Variants in CWH43 observed in about 807,000 individuals in gnomAD.
CWH43 encodes PGAP2-interacting protein.
In CWH43, 91 loss-of-function variants were observed where a neutral mutation model predicts 85.7. The ratio of observed to expected loss-of-function variants is 1.06; its 90% CI spans 0.90 to 1.26. The LOEUF is 1.26. Ranked by LOEUF, CWH43 falls within the 50% of genes most tolerant of loss-of-function variation. The probability of loss-of-function intolerance (pLI) is 0.00; values close to 1 mark genes in which losing one functional copy is unlikely to be tolerated. For missense variants in CWH43, 869 were observed against 839.2 expected (o/e 1.04, Z -0.44); for synonymous variants, 323 against 293.6 (o/e 1.10, Z -1.02).
intron 13 of CWH43, among the ~76,000 whole-genome samples, chr4:49,039,197 A>G (rs1433858688): frequency 1.4e-5 from 2 of 143,028 alleles, no homozygotes; most frequent in African/African-American, 2.6e-5. Context: ...CCAGCAGATG[A>G]CACTGAATTA....
At chr4:49,055,653 G>A (rs748888749) in intron 15 of CWH43, among the ~76,000 whole-genome samples, 12 of 150,486 alleles carry the variant, frequency 8.0e-5, no homozygotes, top group South Asian at 2.1e-4. Context: ...GCAATGGCAC[G>A]ATCTCAGCTT....
At chr4:49,015,511 A>C (rs562815049) in intron 8 of CWH43, among the ~76,000 whole-genome samples, 1 of 152,090 alleles carries the variant, frequency 6.6e-6, no homozygotes, top group Non-Finnish European at 1.5e-5. Context: ...TCACTGTGAT[A>C]TATCTGGATG....
At position 48,994,296 on chromosome 4, in the gene CWH43, AT is replaced by A. The variant is rs374422495; in HGVS notation, c.512-320del. ...AAATGTTCCACTCAATTTGTACAACATTTGTTCACAAACACAAACACTTTTT... is the reference window on the plus strand; with the variant it reads ...AAATGTTCCACTCAATTTGTACAACATTGTTCACAAACACAAACACTTTTT... On this transcript the variant is annotated intron_variant, in intron 4 of 15. Coordinates refer to ENST00000226432, the MANE Select transcript of CWH43 (RefSeq NM_025087.3). Among the ~76,000 whole-genome samples, 595 of 152,324 alleles carry A rather than the reference AT, an allele frequency of 3.9e-3. 9 individuals are homozygous for A. Among genetic ancestry groups the A allele is most frequent in the African/African-American group, 0.014 (578 of 41,576 alleles).
chr4:49,049,595 G>T (rs111241194), intron 14 of CWH43, among the ~76,000 whole-genome samples: 5 of 151,994 alleles, frequency 3.3e-5, no homozygotes, highest in African/African-American at 1.2e-4. Context: ...GGCCTGTGAG[G>T]AAGGCTTTGC....
At chr4:49,042,304 A>T (rs1784487482) in intron 13 of CWH43, among the ~76,000 whole-genome samples, 1 of 152,214 alleles carries the variant, frequency 6.6e-6, no homozygotes, top group Non-Finnish European at 1.5e-5. Flanking sequence ...ATCCCAAGAG[A>T]ACAAGAAAAA....
At chr4:49,037,138 T>G (rs2109815643) in intron 12 of CWH43, among the ~76,000 whole-genome samples, 1 of 152,298 alleles carries the variant, frequency 6.6e-6, no homozygotes, top group Non-Finnish European at 1.5e-5. Flanking sequence ...TAAAATATGA[T>G]GTCCTATTTT....
chr4:49,039,433 A>AC (rs1784387985), intron 13 of CWH43, among the ~76,000 whole-genome samples: 1 of 133,746 alleles, frequency 7.5e-6, no homozygotes, highest in Non-Finnish European at 1.6e-5. Flanking sequence ...ATATACACTT[A>AC]TATATATATA....
At chr4:49,014,793 C>T (rs992608299) in intron 8 of CWH43, among the ~76,000 whole-genome samples, 1 of 150,038 alleles carries the variant, frequency 6.7e-6, no homozygotes, top group East Asian at 2.0e-4. Context: ...TGCCTCATGC[C>T]CCCACATACA....
intron 15 of CWH43, among the ~76,000 whole-genome samples, chr4:49,051,327 C>G (rs1174021495): frequency 2.6e-5 from 4 of 152,144 alleles, no homozygotes; most frequent in Non-Finnish European, 5.9e-5. Context: ...AGTGGGGAGA[C>G]AGCCTATTAG....
chr4:49,032,916 G>A (rs528320343), intron 12 of CWH43, among the ~76,000 whole-genome samples: 1 of 152,312 alleles, frequency 6.6e-6, no homozygotes, highest in Non-Finnish European at 1.5e-5. Context: ...GGGACAGGCC[G>A]TGTTAGTCTG....
chr4:49,041,118 C>A (rs1196917580), intron 13 of CWH43, among the ~76,000 whole-genome samples: 4 of 152,162 alleles, frequency 2.6e-5, no homozygotes, highest in Non-Finnish European at 5.9e-5. Flanking sequence ...TGTTTTGGTA[C>A]CAGTACCATG....
chr4:49,030,873 T>C lies in CWH43; in HGVS notation c.1421T>C (p.Met474Thr). Residue 474 changes from methionine (M) to threonine (T), a missense_variant, in exon 11 of 16, where the codon ATG becomes ACG. Physicochemically the swap from Met to Thr is moderately conservative, Grantham distance 81 (BLOSUM62 -1). This residue lies in a region of CWH43 where 577 missense variants were observed against 513.1 expected (regional missense o/e 1.12). Transcript: ENST00000226432. ...ILESDASKPY[M>T]GNNDLTMWLG... ...GAGAGTGATGCTTCTAAGCCCTATA[T>C]GGGGAACAATGACTTAACCATGTGG... The C allele has an allele frequency of 6.2e-7, 1 of 1,609,264 alleles. No individual in the cohort carries two copies. Among genetic ancestry groups the C allele is most frequent in the Non-Finnish European group, 8.5e-7 (1 of 1,178,372 alleles).
At chr4:49,014,009 T>G (rs1160740342) in intron 8 of CWH43, among the ~76,000 whole-genome samples, 1 of 152,184 alleles carries the variant, frequency 6.6e-6, no homozygotes, top group Non-Finnish European at 1.5e-5. Context: ...CTTCAAGGAC[T>G]TGGTGCTTTA....
intron 2 of CWH43, 29 bp downstream of exon 2, chr4:48,988,697 GT>G (rs748573494): frequency 4.8e-5 from 69 of 1,430,556 alleles, no homozygotes; most frequent in Non-Finnish European, 5.6e-5. Flanking sequence ...TCTTTAAGTT[GT>G]TTTTTTTAAG....
intron 8 of CWH43, among the ~76,000 whole-genome samples, chr4:49,016,242 T>G (rs1043046526): frequency 2.6e-5 from 4 of 152,238 alleles, no homozygotes; most frequent in African/African-American, 4.8e-5. Context: ...TTTATAAACC[T>G]TGTTATTTTA....
intron 1 of CWH43, 88 bp from the exon 2 acceptor site, chr4:48,988,389 C>A (rs1289944979): frequency 3.9e-6 from 4 of 1,013,646 alleles, no homozygotes; most frequent in Non-Finnish European, 5.7e-6. Flanking sequence ...AATGACCAGC[C>A]CAAGCGGCTG....
chr4:49,049,500 G>A (rs1036730914), intron 14 of CWH43, among the ~76,000 whole-genome samples: 2 of 151,234 alleles, frequency 1.3e-5, no homozygotes, highest in Admixed American at 6.6e-5. Flanking sequence ...AAACCCCTCT[G>A]ATGGATTCTT....
chr4:49,009,670 G>A (rs887004731), intron 8 of CWH43, among the ~76,000 whole-genome samples: 1 of 152,234 alleles, frequency 6.6e-6, no homozygotes, highest in South Asian at 2.1e-4. Context: ...AGTTTATTGA[G>A]GGTTTTTAGC....
intron 14 of CWH43, among the ~76,000 whole-genome samples, chr4:49,049,094 G>T (rs1252606570): frequency 2.6e-5 from 4 of 152,128 alleles, no homozygotes; most frequent in Non-Finnish European, 4.4e-5. Flanking sequence ...TCAGAACTTT[G>T]ATCTTAGAGA....
Sources: gnomAD v4.1 joint callset for allele counts (sites outside exome capture counted in the v4.1 genomes callset) on GRCh38, gnomAD v4.1.1 for gene constraint, gnomAD v4.1.1 regional missense constraint, MANE v1.5 for transcripts, NCBI Gene and HGNC (gene_info 2026-07-23, HGNC 2026-07-21) for gene names.